ATM: variants seen among roughly 807,000 people sequenced by gnomAD.
ATM encodes ATM serine/threonine kinase.
A neutral mutation model predicts 387.0 loss-of-function variants in ATM; 308 were observed. The ratio of observed to expected loss-of-function variants is 0.80; its 90% confidence interval spans 0.73 to 0.87. ATM has a LOEUF of 0.87. Ranked by LOEUF, ATM falls within the 40% of genes least tolerant of loss-of-function variation. The pLI is 0.00. For synonymous variants in ATM, 1,156 were observed against 1,187.3 expected (o/e 0.97, Z 0.54); for missense variants, 3,312 against 3,560.9 (o/e 0.93, Z 1.78).
rs1565608982 is a variant in ATM, at chr11:108,365,370, G to A, written c.9033G>A (p.Met3011Ile). Reference sequence around the variant, plus strand: ...ACAAAGTAGCTGAACGTGTCTTAATGAGACTACAAGAGAAACTGAAAGGAG... The same window carrying A: ...ACAAAGTAGCTGAACGTGTCTTAATAAGACTACAAGAGAAACTGAAAGGAG... ...SFNKVAERVL[M>I]RLQEKLKGVE... The change falls in exon 63 of 63, where the codon ATG (methionine) becomes ATA (isoleucine). Residue 3011 changes from methionine to isoleucine, a missense_variant. Met to Ile is a conservative substitution (Grantham distance 10). Transcript: ENST00000675843. 1.2e-6 allele frequency: 2 copies of A among 1,614,024 alleles called. No individual in the cohort carries two copies.
chr11:108,300,887 T>C (rs2135903463), intron 34 of ATM, among the ~76,000 whole-genome samples: 1 of 147,692 alleles, frequency 6.8e-6, no homozygotes, highest in East Asian at 2.0e-4. Flanking sequence ...TCTTTTTTTT[T>C]TTTTTTTTTT....
At chr11:108,294,326 A>G (rs1150201) in intron 31 of ATM, among the ~76,000 whole-genome samples, 42,549 of 152,226 alleles carry the variant, frequency 0.28, 7,115 homozygotes, top group Middle Eastern at 0.54. Flanking sequence ...ATATAAAAAC[A>G]TATTTAAGTA....
At position 108,262,085 on chromosome 11, in the gene ATM, G is replaced by C. The variant is rs552129012; in HGVS notation, c.2466+3010G>C. 8.6e-4 allele frequency among the ~76,000 whole-genome samples: 128 copies of C among 149,542 alleles called. 1 individual carries two copies. Among genetic ancestry groups the C allele is most frequent in the South Asian group, 3.5e-3 (17 of 4,806 alleles). The stretch of plus-strand genomic sequence containing the variant: ...CAGGATATTATCCAGGAGAACTTCC[G>C]CAATCTAGCAAGGCAGGCCAACATT... On this transcript the variant is annotated intron_variant, in intron 16 of 62. Coordinates refer to ENST00000675843, the MANE Select transcript of ATM (RefSeq NM_000051.4).
intron 22 of ATM, among the ~76,000 whole-genome samples, chr11:108,278,111 C>T (rs1446614242): frequency 2.0e-5 from 3 of 151,876 alleles, no homozygotes; most frequent in African/African-American, 4.8e-5. Flanking sequence ...AAAATGTAAG[C>T]AATCAATAAT....
chr11:108,358,805 T>A, intron 61 of ATM, among the ~76,000 whole-genome samples: 1 of 148,552 alleles, frequency 6.7e-6, no homozygotes, highest in African/African-American at 2.5e-5. Context: ...GCACTAAACA[T>A]GGAAAGGAAC....
intron 60 of ATM, among the ~76,000 whole-genome samples, 186 bp downstream of exon 60, chr11:108,354,066 C>A (rs1403669975): frequency 9.2e-6 from 1 of 108,404 alleles, no homozygotes; most frequent in East Asian, 3.6e-4. Flanking sequence ...AATACACACA[C>A]ACAAACACAC....
In ATM at chr11:108,327,678, T is replaced by C. The variant is rs2136374685; in HGVS notation, c.7009T>C (p.Cys2337Arg). Residue 2337 changes from cysteine to arginine, a missense_variant, in exon 48 of 63, where the codon TGT becomes CGT. Cys to Arg is a radical substitution (Grantham distance 180). This residue lies in a region of ATM where 1,405 missense variants were observed against 1,604.4 expected (regional missense o/e 0.88). Transcript: ENST00000675843. Reference protein sequence around the residue: ...NPSLKLTYTECLRVCGNWLAE... With the variant: ...NPSLKLTYTERLRVCGNWLAE... ...CAGCCTAAAACTTACATACACAGAA[T>C]GTCTGAGGGTTTGTGGCAACTGGTT... 1 of 1,614,002 alleles carries C rather than the reference T, an allele frequency of 6.2e-7. No individual in the cohort carries two copies. The highest frequency in any genetic ancestry group is 8.5e-7 in the Non-Finnish European group (1 of 1,179,932).
chr11:108,233,622 GA>G (rs984858539), intron 4 of ATM, among the ~76,000 whole-genome samples: 3 of 142,840 alleles, frequency 2.1e-5, no homozygotes, highest in Non-Finnish European at 4.6e-5. Flanking sequence ...GTACTTTTAA[GA>G]AAGATTTGAT....
chr11:108,245,869 G>C (rs2079824919), intron 7 of ATM, among the ~76,000 whole-genome samples: 1 of 143,966 alleles, frequency 6.9e-6, no homozygotes. Flanking sequence ...CTGTCGCCCA[G>C]GCTGAAGTGC....
intron 52 of ATM, 106 bp from the exon 53 acceptor site, chr11:108,332,656 G>T: frequency 1.7e-6 from 2 of 1,204,600 alleles, no homozygotes; most frequent in South Asian, 2.6e-5. Flanking sequence ...TCATTCCATT[G>T]TCTAGATTTG....
intron 56 of ATM, among the ~76,000 whole-genome samples, chr11:108,342,401 C>A (rs1591242488): frequency 1.3e-5 from 2 of 152,038 alleles, no homozygotes; most frequent in Non-Finnish European, 2.9e-5. Context: ...GAATAAAAAA[C>A]CAAATTACAG....
Position 108,259,040 on chromosome 11 carries a change from C to G in ATM, c.2431C>G (p.Leu811Val), listed in dbSNP as rs2135421739. The G allele has an allele frequency of 1.2e-6, 2 of 1,613,718 alleles. No individual in the cohort carries two copies. Among genetic ancestry groups the G allele is most frequent in the Non-Finnish European group, 1.7e-6 (2 of 1,179,876 alleles). The change falls in exon 16 of 63, where the codon CTA becomes GTA. Residue 811 changes from leucine to valine, a missense_variant. Physicochemically the swap from Leu to Val is conservative, Grantham distance 32. Coordinates refer to ENST00000675843, the MANE Select transcript of ATM (RefSeq NM_000051.4). The stretch of plus-strand genomic sequence containing the variant: ...TTTCCTGCGATTGTTAACATCAAAG[C>G]TAATGAATGACATTGCAGATATTTG... Reference protein sequence around the residue: ...GFFLRLLTSKLMNDIADICKS... With the variant: ...GFFLRLLTSKVMNDIADICKS...
intron 3 of ATM, among the ~76,000 whole-genome samples, 171 bp downstream of exon 3, chr11:108,228,059 GGTT>G (rs2078834784): frequency 6.6e-6 from 1 of 151,938 alleles, no homozygotes; most frequent in South Asian, 2.1e-4. Flanking sequence ...AATTTTTAAA[GGTT>G]GTTCATATAG....
intron 16 of ATM, among the ~76,000 whole-genome samples, chr11:108,259,321 C>T (rs2080718568): frequency 6.6e-6 from 1 of 152,078 alleles, no homozygotes; most frequent in Non-Finnish European, 1.5e-5. Flanking sequence ...AACCCCGTCT[C>T]TACTAAAAAT....
At chr11:108,344,199 CAG>C (rs2087984166) in intron 57 of ATM, among the ~76,000 whole-genome samples, 1 of 152,102 alleles carries the variant, frequency 6.6e-6, no homozygotes, top group South Asian at 2.1e-4. Context: ...ACAGGGCACA[CAG>C]GGTACAGTGT....
intron 45 of ATM, among the ~76,000 whole-genome samples, chr11:108,322,147 T>C (rs962885435): frequency 1.3e-5 from 2 of 152,088 alleles, no homozygotes; most frequent in Non-Finnish European, 2.9e-5. Flanking sequence ...TGTTTTGTTT[T>C]CTTTTTTTTC....
At chr11:108,248,058 T>C (rs2079944105) in intron 8 of ATM, among the ~76,000 whole-genome samples, 2 of 152,204 alleles carry the variant, frequency 1.3e-5, no homozygotes, top group Admixed American at 1.3e-4. Flanking sequence ...AATATGTGAG[T>C]CTTTTGTGTC....
At chr11:108,240,120 T>TC (rs1565363728) in intron 5 of ATM, among the ~76,000 whole-genome samples, 12 of 152,164 alleles carry the variant, frequency 7.9e-5, no homozygotes. Context: ...TTATCCAGAG[T>TC]CCAAGGTTCA....
In ATM at chr11:108,287,836, C is replaced by T. The variant is rs906055415; in HGVS notation, c.4109+121C>T. 14 of 727,708 alleles carry T rather than the reference C, an allele frequency of 1.9e-5. No homozygotes were observed. The African/African-American group carries it at 2.3e-4, about 12-fold the overall frequency. 45.1% of individuals were successfully genotyped at this position (727,708 alleles called of 1,614,324 possible). ...GACATCACTCTTTTTAAAAAATTTT[C>T]TTTAAAAATAGCCACCTTTGAATTG... On this transcript the variant is annotated intron_variant, in intron 27 of 62. Coordinates refer to ENST00000675843, the MANE Select transcript of ATM (RefSeq NM_000051.4).
Sources: gnomAD v4.1 joint callset for allele counts (sites outside exome capture counted in the v4.1 genomes callset) on GRCh38, gnomAD v4.1.1 for gene constraint, gnomAD v4.1.1 regional missense constraint, MANE v1.5 for transcripts, NCBI Gene and HGNC (gene_info 2026-07-23, HGNC 2026-07-21) for gene names.